MARK4: variants seen among roughly 807,000 people sequenced by gnomAD.
The protein encoded by MARK4 is MAP/microtubule affinity-regulating kinase 4.
MARK4 carries 19 observed loss-of-function variants against 81.5 expected under a neutral mutation model. The observed-to-expected ratio is 0.23, with a 90% CI of 0.16 to 0.34. The LOEUF is 0.34. Among genes scored for constraint, MARK4 ranks in the 10% least tolerant of loss-of-function variants. The pLI is 1.00. For synonymous variants in MARK4, 436 were observed against 439.0 expected, an observed-to-expected ratio of 0.99 and a Z score of 0.08; for missense variants, 772 against 1,058.8, an observed-to-expected ratio of 0.73 and a Z score of 3.76.
rs993113582 is a variant in MARK4, at chr19:45,251,574, C to T, written c.-15C>T. The T allele has an allele frequency of 7.3e-7, 1 of 1,367,074 alleles. No homozygotes were observed. The highest frequency in any genetic ancestry group is 1.6e-5 in the South Asian group (1 of 61,050). The allele number at this position is 1,367,074 out of a possible 1,614,324, so 84.7% of individuals were successfully genotyped here. A position where few individuals can be genotyped will look rare whatever the true frequency, so the allele number is the denominator to read the frequency against. On this transcript the variant is annotated 5_prime_UTR_variant, in exon 1 of 17. Coordinates refer to ENST00000262891, the MANE Select transcript of MARK4 (RefSeq NM_001199867.2). ...CCCCCACCCGGCCGCCCCTGCCCCCCGGGACCCGGAGAAGATGTCTTCGCG... is the reference window on the plus strand; with the variant it reads ...CCCCCACCCGGCCGCCCCTGCCCCCTGGGACCCGGAGAAGATGTCTTCGCG...
intron 13 of MARK4, among the ~76,000 whole-genome samples, chr19:45,290,297 T>C (rs1426536988): frequency 6.6e-6 from 1 of 152,246 alleles, no homozygotes; most frequent in African/African-American, 2.4e-5. Flanking sequence ...CCAGAGGTCC[T>C]GACCATCAGG....
Position 45,271,766 on chromosome 19 carries a change from C to A in MARK4, c.786+58C>A. 1.4e-6 allele frequency: 2 copies of A among 1,441,700 alleles called. No homozygotes were observed. Among genetic ancestry groups the A allele is most frequent in the South Asian group, 2.5e-5 (2 of 80,342 alleles). The allele number at this position is 1,441,700 out of a possible 1,614,324, so 89.3% of individuals were successfully genotyped here. A position where few individuals can be genotyped will look rare whatever the true frequency, so the allele number is the denominator to read the frequency against. ...CCCCTCCCCACAGTCAGGCCCCTAT[C>A]CCCCCCACACCTCCCCTGCAGAGGG... On this transcript the variant is annotated intron_variant, in intron 8 of 16. Coordinates refer to ENST00000262891, the MANE Select transcript of MARK4 (RefSeq NM_001199867.2). The surrounding 1 kb of genome is among the most constrained non-coding windows in gnomAD (Gnocchi z 4.1).
At position 45,257,584 on chromosome 19, in the gene MARK4, G is replaced by A. The variant is rs531273378; in HGVS notation, c.52-1405G>A. Reference sequence around the variant, plus strand: ...TTTTTAGTAGAGACGGGGTTTCCCCGTGTTGGCCAGGCAAGTTTCACACTC... The same window carrying A: ...TTTTTAGTAGAGACGGGGTTTCCCCATGTTGGCCAGGCAAGTTTCACACTC... On this transcript the variant is annotated intron_variant, in intron 1 of 16. Coordinates refer to ENST00000262891, the MANE Select transcript of MARK4 (RefSeq NM_001199867.2). Among the ~76,000 whole-genome samples the A allele has an allele frequency of 1.8e-4, 27 of 151,738 alleles. No individual in the cohort carries two copies. The South Asian group carries it at 5.0e-3, about 28-fold the overall frequency.
At chr19:45,277,823 TTGTGTGTG>T (rs58592372) in intron 8 of MARK4, 92 bp from the exon 9 acceptor site, 27,333 of 734,092 alleles carry the variant, frequency 0.037, 458 homozygotes, top group African/African-American at 0.1. Context: ...GGGACAAAGG[TTGTGTGTG>T]TGTGTGTGTG....
chr19:45,300,388 A>G (rs1970953628), intron 16 of MARK4, among the ~76,000 whole-genome samples: 1 of 132,562 alleles, frequency 7.5e-6, no homozygotes, highest in South Asian at 2.4e-4. Context: ...CCCATCCACA[A>G]CTCAACTCCT....
chr19:45,298,085 C>T (rs1970914480), intron 15 of MARK4, 131 bp downstream of exon 15: 1 of 1,576,742 alleles, frequency 6.3e-7, no homozygotes, highest in Non-Finnish European at 8.7e-7. Context: ...TCGTTTCCTC[C>T]TCCTCCTCCT....
intron 2 of MARK4, among the ~76,000 whole-genome samples, chr19:45,262,478 G>C (rs1970393333): frequency 6.6e-6 from 1 of 152,204 alleles, no homozygotes; most frequent in Non-Finnish European, 1.5e-5. Context: ...CTTAGTGCAT[G>C]TTAACCAGTT....
intron 10 of MARK4, 153 bp from the exon 11 acceptor site, chr19:45,280,221 A>G (rs1023332854): frequency 3.0e-6 from 2 of 665,462 alleles, no homozygotes; most frequent in African/African-American, 3.6e-5. Context: ...GGATCAGCAG[A>G]GCCTGGGGAG....
chr19:45,300,397 C>G (rs548309928), intron 16 of MARK4, among the ~76,000 whole-genome samples: 4 of 137,254 alleles, frequency 2.9e-5, no homozygotes, highest in Non-Finnish European at 3.1e-5. Flanking sequence ...AACTCAACTC[C>G]TCTTCTGGTC....
At chr19:45,292,750 G>A (rs1970835535) in intron 13 of MARK4, among the ~76,000 whole-genome samples, 1 of 151,734 alleles carries the variant, frequency 6.6e-6, no homozygotes, top group Non-Finnish European at 1.5e-5. Context: ...ACATGCCTGA[G>A]GTTCTAGCTA....
intron 13 of MARK4, among the ~76,000 whole-genome samples, chr19:45,291,517 T>C (rs890059726): frequency 6.6e-6 from 1 of 152,202 alleles, no homozygotes; most frequent in Non-Finnish European, 1.5e-5. Flanking sequence ...GCGCGGTGGC[T>C]TACGCCTGTA....
chr19:45,263,017 G>C, intron 2 of MARK4, 96 bp from the exon 3 acceptor site: 1 of 1,415,914 alleles, frequency 7.1e-7, no homozygotes, highest in African/African-American at 1.4e-5. Context: ...CTCCCGCCTT[G>C]GTCTTCCCAA....
At position 45,302,226 on chromosome 19, in the gene MARK4, G is replaced by A. The variant is rs1426689620; in HGVS notation, c.1923-148G>A. On this transcript the variant is annotated intron_variant, in intron 16 of 16. Coordinates refer to ENST00000262891, the MANE Select transcript of MARK4 (RefSeq NM_001199867.2). The surrounding 1 kb of genome is among the most constrained non-coding windows in gnomAD (Gnocchi z 4.9). ...CTCTAGCTGGGCAGCTCTGTATCCA[G>A]TTGAAACTGTCGCTGGGGTAACAGG... The A allele has an allele frequency of 2.6e-6, 4 of 1,526,650 alleles. No homozygotes were observed. The African/African-American group carries it at 5.5e-5, about 21-fold the overall frequency. The allele number at this position is 1,526,650 out of a possible 1,614,324, so 94.6% of individuals were successfully genotyped here.
intron 7 of MARK4, among the ~76,000 whole-genome samples, chr19:45,267,148 T>G (rs1970466057): frequency 6.6e-6 from 1 of 152,088 alleles, no homozygotes; most frequent in Non-Finnish European, 1.5e-5. Flanking sequence ...AACCTCCGCC[T>G]CCCGGGTTCA....
At chr19:45,273,487 T>TC (rs1368953276) in intron 8 of MARK4, among the ~76,000 whole-genome samples, 1 of 152,162 alleles carries the variant, frequency 6.6e-6, no homozygotes, top group African/African-American at 2.4e-5. Context: ...TCATCCATCA[T>TC]CCCAGGAATA....
chr19:45,299,784 A>G (rs1970942406), intron 15 of MARK4, 27 bp from the exon 16 acceptor site: 3 of 1,578,352 alleles, frequency 1.9e-6, no homozygotes, highest in African/African-American at 1.4e-5. Flanking sequence ...TCCAGATTAG[A>G]CACTCTGTCC....
At chr19:45,265,428 G>A (rs552164519) in intron 6 of MARK4, among the ~76,000 whole-genome samples, 67 of 152,152 alleles carry the variant, frequency 4.4e-4, no homozygotes, top group African/African-American at 1.6e-3. Context: ...GGGTGCCCGG[G>A]TGTGCGAGTG....
At position 45,280,448 on chromosome 19, in the gene MARK4, A is replaced by T; in HGVS notation, c.1081A>T (p.Thr361Ser). Residue 361 changes from threonine to serine, a missense_variant, in exon 11 of 17, where the codon ACC becomes TCC. Thr to Ser is a moderately conservative substitution (Grantham distance 58). Transcript: ENST00000262891. ...SLTSQKYNEV[T>S]ATYLLLGRKT... Reference sequence around the variant, plus strand: ...GACCAGCCAGAAGTACAACGAAGTGACCGCCACCTACCTCCTGCTGGGCAG... The same window carrying T: ...GACCAGCCAGAAGTACAACGAAGTGTCCGCCACCTACCTCCTGCTGGGCAG... 1 of 1,614,180 alleles carries T rather than the reference A, an allele frequency of 6.2e-7. No homozygotes were observed. The highest frequency in any genetic ancestry group is 8.5e-7 in the Non-Finnish European group (1 of 1,180,020).
In MARK4 at chr19:45,303,170, CCA is replaced by C. The variant is rs1479343501; in HGVS notation, c.*462_*463del. On this transcript the variant is annotated 3_prime_UTR_variant, in exon 17 of 17. Transcript: ENST00000262891. ...CTCCCGTCCCCTCACGCTCAAACCC[CCA>C]CTTCCTGCCCCAGGCTGGCGCGGGG... is the stretch of plus-strand genomic sequence containing the variant. 5.4e-6 allele frequency: 1 copy of C among 185,500 alleles called. No homozygotes were observed. Among genetic ancestry groups the C allele is most frequent in the African/African-American group, 2.4e-5 (1 of 41,702 alleles). 11.5% of individuals were successfully genotyped at this position (185,500 alleles called of 1,614,324 possible).
Sources: gnomAD v4.1 joint callset for allele counts (sites outside exome capture counted in the v4.1 genomes callset) on GRCh38, gnomAD v4.1.1 for gene constraint, Gnocchi (gnomAD v3.1) non-coding constraint, MANE v1.5 for transcripts, NCBI Gene and HGNC (gene_info 2026-07-23, HGNC 2026-07-21) for gene names.